WDR59: variants seen among roughly 807,000 people sequenced by gnomAD.
WDR59 encodes the protein GATOR2 complex protein WDR59.
Under a neutral mutation model 131.2 loss-of-function variants are expected in WDR59, and 100 were observed. The observed-to-expected ratio is 0.76, with a 90% confidence interval of 0.65 to 0.90. The LOEUF is 0.90. Ranked by LOEUF, WDR59 falls within the 40% of genes least tolerant of loss-of-function variation. WDR59 has a pLI of 0.00. For missense variants in WDR59, 1,203 were observed against 1,262.2 expected (o/e 0.95, Z 0.71); for synonymous variants, 601 against 466.2 (o/e 1.29, Z -3.72).
intron 18 of WDR59, among the ~76,000 whole-genome samples, chr16:74,896,946 A>T (rs1223998883): frequency 6.6e-6 from 1 of 152,198 alleles, no homozygotes; most frequent in Non-Finnish European, 1.5e-5. Context: ...CAGCGCTGAG[A>T]TTTGAACACA....
chr16:74,888,733 T>G (rs1964895819), intron 21 of WDR59, among the ~76,000 whole-genome samples: 1 of 152,078 alleles, frequency 6.6e-6, no homozygotes, highest in African/African-American at 2.4e-5. Flanking sequence ...TTATATAACC[T>G]AAAGCTACAT....
intron 10 of WDR59, among the ~76,000 whole-genome samples, chr16:74,918,498 T>C (rs1966499791): frequency 1.3e-5 from 2 of 151,738 alleles, no homozygotes; most frequent in African/African-American, 4.9e-5. Flanking sequence ...AAATGCATCA[T>C]GGCATCTTAC....
Position 74,904,228 on chromosome 16 carries a change from GT to G in WDR59, c.1713-129del, listed in dbSNP as rs1965694980. ...GAAGATGGAAACTCCAGAAAAAGAA[GT>G]CAATAAAACTTTTAACACTGAAAAA... On this transcript the variant is annotated intron_variant, in intron 17 of 25. Coordinates refer to ENST00000262144, the MANE Select transcript of WDR59 (RefSeq NM_030581.4). The G allele has an allele frequency of 1.1e-4, 137 of 1,198,348 alleles. 3 individuals carry two copies. The South Asian group carries it at 1.4e-3, about 13-fold the overall frequency. The allele number at this position is 1,198,348 out of a possible 1,614,324, so 74.2% of individuals were successfully genotyped here. A position where few individuals can be genotyped will look rare whatever the true frequency, so the allele number is the denominator to read the frequency against.
chr16:74,984,810 C>A (rs1019013028), intron 1 of WDR59, 154 bp downstream of exon 1: 2 of 1,079,114 alleles, frequency 1.9e-6, no homozygotes, highest in Admixed American at 2.6e-5. Context: ...CTTCCCTCCC[C>A]CGACGGGGCC....
At chr16:74,960,867 T>C (rs1021985586) in intron 2 of WDR59, among the ~76,000 whole-genome samples, 1 of 151,930 alleles carries the variant, frequency 6.6e-6, no homozygotes, top group Non-Finnish European at 1.5e-5. Context: ...GATTTCCAGA[T>C]TTGAAGGACC....
intron 18 of WDR59, among the ~76,000 whole-genome samples, chr16:74,894,779 T>A (rs893210332): frequency 4.6e-5 from 7 of 152,224 alleles, no homozygotes; most frequent in African/African-American, 1.7e-4. Context: ...TTGTTATGAA[T>A]TTAGTCTAAG....
chr16:74,942,239 G>C (rs1413391770), intron 7 of WDR59, among the ~76,000 whole-genome samples: 1 of 152,092 alleles, frequency 6.6e-6, no homozygotes, highest in Non-Finnish European at 1.5e-5. Context: ...GGATGTCTAG[G>C]CTTGTAAGAG....
At chr16:74,975,805 C>G (rs947008357) in intron 1 of WDR59, among the ~76,000 whole-genome samples, 4 of 151,950 alleles carry the variant, frequency 2.6e-5, no homozygotes, top group African/African-American at 9.7e-5. Context: ...AAATCCTTAA[C>G]GTCTTTGTTC....
intron 8 of WDR59, among the ~76,000 whole-genome samples, chr16:74,930,265 GATT>G (rs1567731720): frequency 6.6e-6 from 1 of 152,070 alleles, no homozygotes; most frequent in Non-Finnish European, 1.5e-5. Flanking sequence ...GCCCTAATGT[GATT>G]ATTACTCATT....
intron 6 of WDR59, among the ~76,000 whole-genome samples, 170 bp downstream of exon 6, chr16:74,948,349 C>T (rs539879980): frequency 1.3e-5 from 2 of 152,190 alleles, no homozygotes; most frequent in Non-Finnish European, 2.9e-5. Context: ...CTAAAGTGAG[C>T]CCCTTGCAAC....
intron 21 of WDR59, 61 bp downstream of exon 21, chr16:74,889,642 G>A (rs112659845): frequency 5.9e-5 from 80 of 1,350,062 alleles, no homozygotes; most frequent in African/African-American, 3.5e-4. Context: ...GACATTTCAA[G>A]TGTTTACAGA....
chr16:74,948,677 C>T, intron 5 of WDR59, 121 bp from the exon 6 acceptor site: 1 of 820,994 alleles, frequency 1.2e-6, no homozygotes, highest in Non-Finnish European at 2.1e-6. Context: ...GTAGGTAGAT[C>T]CGCTGTGAGG....
At position 74,874,315 on chromosome 16, in the gene WDR59, G is replaced by T. The variant is rs201095907; in HGVS notation, c.2819C>A (p.Thr940Asn). ...GCTGGTGTGGCCACCGTGCCCACAG[G>T]TCAGGCAGAAATTGGACGATCCCCG... ...AVRGSSNFCLTCGHGGHTSHM... is the reference protein window; with the variant it reads ...AVRGSSNFCLNCGHGGHTSHM... The change falls in exon 26 of 26, where the codon ACC becomes AAC. Residue 940 changes from threonine to asparagine, a missense_variant. By Grantham distance (65) the Thr-to-Asn change is moderately conservative. Transcript: ENST00000262144. 24 of 1,614,148 alleles carry T rather than the reference G, an allele frequency of 1.5e-5. No individual in the cohort carries two copies. The African/African-American group carries it at 2.3e-4, about 15-fold the overall frequency.
At chr16:74,950,298 G>A (rs1220022078) in intron 4 of WDR59, among the ~76,000 whole-genome samples, 1 of 152,178 alleles carries the variant, frequency 6.6e-6, no homozygotes, top group Non-Finnish European at 1.5e-5. Context: ...CTGCACTCCA[G>A]CCTGGGCAAC....
At chr16:74,956,664 T>C in intron 2 of WDR59, 54 bp from the exon 3 acceptor site, 1 of 1,583,624 alleles carries the variant, frequency 6.3e-7, no homozygotes, top group Non-Finnish European at 8.6e-7. Context: ...TCATTAGCAT[T>C]AAGATAGAAA....
chr16:74,888,076 C>G, intron 22 of WDR59, 93 bp downstream of exon 22: 2 of 1,430,530 alleles, frequency 1.4e-6, no homozygotes, highest in Admixed American at 5.3e-5. Flanking sequence ...TGAGATCATG[C>G]CATTGCACTC....
intron 8 of WDR59, among the ~76,000 whole-genome samples, chr16:74,934,835 T>G (rs986044236): frequency 1.3e-5 from 2 of 151,408 alleles, no homozygotes; most frequent in Non-Finnish European, 2.9e-5. Context: ...AAGAGAAATA[T>G]AAAGAAATAT....
chr16:74,884,716 T>C (rs368136752), intron 25 of WDR59, among the ~76,000 whole-genome samples: 6 of 152,282 alleles, frequency 3.9e-5, no homozygotes, highest in African/African-American at 1.2e-4. Context: ...TACACTCTAA[T>C]TTGATATCAC....
intron 2 of WDR59, among the ~76,000 whole-genome samples, chr16:74,960,515 T>A (rs4888322): frequency 6.6e-6 from 1 of 151,364 alleles, no homozygotes; most frequent in South Asian, 2.1e-4. Flanking sequence ...GAGGCTGAGG[T>A]GGGTGGATCA....
Sources: gnomAD v4.1 joint callset for allele counts (sites outside exome capture counted in the v4.1 genomes callset) on GRCh38, gnomAD v4.1.1 for gene constraint, MANE v1.5 for transcripts, NCBI Gene and HGNC (gene_info 2026-07-23, HGNC 2026-07-21) for gene names.